SFXN5: variants seen among roughly 807,000 people sequenced by gnomAD.
The protein encoded by SFXN5 is sideroflexin-5.
Under a neutral mutation model 50.2 loss-of-function variants are expected in SFXN5, and 43 were observed. The ratio of observed to expected loss-of-function variants is 0.86; its 90% CI spans 0.67 to 1.11. The LOEUF (loss-of-function observed/expected upper bound fraction) is 1.11. SFXN5 is among the 50% of genes least tolerant of loss of function. SFXN5 has a pLI of 0.00. For synonymous variants in SFXN5, 203 were observed against 185.8 expected, an observed-to-expected ratio of 1.09 and a Z score of -0.75; for missense variants, 463 against 454.1, an observed-to-expected ratio of 1.02 and a Z score of -0.18.
intron 1 of SFXN5, among the ~76,000 whole-genome samples, chr2:73,063,514 C>T (rs1366026580): frequency 6.6e-6 from 1 of 152,218 alleles, no homozygotes; most frequent in Non-Finnish European, 1.5e-5. Context: ...ACCAACCACT[C>T]AGGGTCTTGT....
chr2:73,033,939 T>C (rs1184240682), intron 3 of SFXN5, among the ~76,000 whole-genome samples: 4 of 152,160 alleles, frequency 2.6e-5, no homozygotes, highest in Non-Finnish European at 5.9e-5. Flanking sequence ...CTCAGTACAC[T>C]GGACAGCCCT....
intron 9 of SFXN5, among the ~76,000 whole-genome samples, chr2:72,995,186 G>A (rs913546309): frequency 1.3e-5 from 2 of 152,168 alleles, no homozygotes; most frequent in African/African-American, 2.4e-5. Flanking sequence ...TCTCACCCTC[G>A]TGTAGCCGGG....
intron 6 of SFXN5, among the ~76,000 whole-genome samples, chr2:73,008,482 CA>C (rs1675040252): frequency 6.6e-6 from 1 of 152,138 alleles, no homozygotes; most frequent in South Asian, 2.1e-4. Context: ...AGGCATTCCG[CA>C]GCAGCCAAGG....
At chr2:72,959,185 T>C (rs1195988440) in intron 13 of SFXN5, among the ~76,000 whole-genome samples, 1 of 152,190 alleles carries the variant, frequency 6.6e-6, no homozygotes, top group Non-Finnish European at 1.5e-5. Context: ...AGCCCTCGCC[T>C]TCTTGTGAGC....
intron 6 of SFXN5, among the ~76,000 whole-genome samples, chr2:73,007,642 G>A (rs954412609): frequency 1.3e-5 from 2 of 151,968 alleles, no homozygotes; most frequent in South Asian, 4.2e-4. Flanking sequence ...ACATACCCGG[G>A]AGCCTCCCAG....
At chr2:72,972,892 T>C (rs1464603572) in intron 10 of SFXN5, among the ~76,000 whole-genome samples, 1 of 152,182 alleles carries the variant, frequency 6.6e-6, no homozygotes, top group Non-Finnish European at 1.5e-5. Flanking sequence ...CATCAACACC[T>C]GCTGCTTCCC....
intron 6 of SFXN5, chr2:73,020,004 G>C (rs1340074093): frequency 4.0e-6 from 2 of 494,830 alleles, no homozygotes; most frequent in African/African-American, 3.9e-5. Flanking sequence ...CAGGGAAGAA[G>C]GCAATTTTCA....
At chr2:73,002,443 G>C (rs921934069) in intron 6 of SFXN5, among the ~76,000 whole-genome samples, 1 of 152,192 alleles carries the variant, frequency 6.6e-6, no homozygotes, top group Admixed American at 6.5e-5. Context: ...TTTACCTTCT[G>C]AGTGTTTGTG....
At chr2:72,975,032 A>G (rs150702603) in intron 10 of SFXN5, among the ~76,000 whole-genome samples, 10 of 152,308 alleles carry the variant, frequency 6.6e-5, no homozygotes, top group Non-Finnish European at 1.5e-4. Context: ...GACACCATTC[A>G]AGACTCAGGC....
At chr2:72,957,828 T>G (rs759830404) in intron 13 of SFXN5, among the ~76,000 whole-genome samples, 17 of 152,228 alleles carry the variant, frequency 1.1e-4, no homozygotes, top group Non-Finnish European at 2.2e-4. Context: ...GCCTGCATCT[T>G]GTTGGGATCC....
intron 1 of SFXN5, among the ~76,000 whole-genome samples, chr2:73,066,562 AAAAAAAAAT>A (rs1368942558): frequency 6.6e-6 from 1 of 152,142 alleles, no homozygotes; most frequent in Non-Finnish European, 1.5e-5. Context: ...TGTCTCCAAA[AAAAAAAAAT>A]AAAAGATACA....
intron 9 of SFXN5, among the ~76,000 whole-genome samples, chr2:72,991,458 T>A (rs775934670): frequency 6.6e-6 from 1 of 152,246 alleles, no homozygotes; most frequent in Non-Finnish European, 1.5e-5. Flanking sequence ...TGTGAGCTCA[T>A]GAGGAGTCAG....
At chr2:72,998,322 T>C (rs998184176) in intron 9 of SFXN5, 1 of 152,370 alleles carries the variant, frequency 6.6e-6, no homozygotes, top group South Asian at 2.1e-4. Flanking sequence ...ACTGTGTCAC[T>C]TGCCCCTGGC....
chr2:72,960,553 G>A lies in SFXN5; in HGVS notation c.945+578C>T, dbSNP rs1673604326. Among the ~76,000 whole-genome samples the A allele has an allele frequency of 6.6e-6, 1 of 152,066 alleles. No individual in the cohort carries two copies. On this transcript the variant is annotated intron_variant, in intron 13 of 13. Coordinates refer to ENST00000272433, the MANE Select transcript of SFXN5 (RefSeq NM_144579.3). This position sits in a 1 kb window ranked among gnomAD's most constrained non-coding sequence, Gnocchi z 6.1. ...CCCAGCCCCACGCGGCAGCACAGGG[G>A]CCGCTCAGAATCAGGCATCTGTGGT... is the stretch of plus-strand genomic sequence containing the variant.
chr2:72,971,539 C>T, intron 11 of SFXN5, 31 bp downstream of exon 11: 1 of 1,544,696 alleles, frequency 6.5e-7, no homozygotes. Context: ...CTGTTGCTGG[C>T]CTCCCCAACC....
At chr2:73,071,255 G>A in intron 1 of SFXN5, 3 of 271,506 alleles carry the variant, frequency 1.1e-5, no homozygotes, top group East Asian at 9.2e-5. Flanking sequence ...GCGGGCAGCT[G>A]CACAACCCGG....
intron 1 of SFXN5, among the ~76,000 whole-genome samples, chr2:73,060,562 G>C (rs1682681673): frequency 1.3e-5 from 2 of 152,108 alleles, no homozygotes; most frequent in Admixed American, 1.3e-4. Context: ...CTGGCGTAGA[G>C]GGGGGAATGC....
At chr2:72,975,377 C>T (rs937571464) in intron 10 of SFXN5, among the ~76,000 whole-genome samples, 1 of 152,252 alleles carries the variant, frequency 6.6e-6, no homozygotes, top group Admixed American at 6.5e-5. Context: ...ACAAGCAGAT[C>T]AATGCAGTAC....
chr2:73,058,947 C>T lies in SFXN5; in HGVS notation c.103-351G>A, dbSNP rs1262379958. ...TAGGCTGAAGGTGAGGCCTGGTCCC[C>T]AGCCCTCTCCCAGCCTCCCTGCCTT... On this transcript the variant is annotated intron_variant, in intron 1 of 13. Transcript: ENST00000272433. The T allele has an allele frequency of 5.1e-6, 3 of 591,566 alleles. No homozygotes were observed. In the East Asian group the frequency reaches 2.9e-4, roughly 56 times the overall value. The allele number at this position is 591,566 out of a possible 1,614,324, so 36.6% of individuals were successfully genotyped here.
Sources: allele counts gnomAD v4.1 joint callset (sites outside exome capture counted in the v4.1 genomes callset), GRCh38; gene constraint gnomAD v4.1.1; non-coding constraint Gnocchi (gnomAD v3.1); transcripts MANE v1.5; gene names NCBI Gene and HGNC (gene_info 2026-07-23, HGNC 2026-07-21).